TEX11: variants seen among roughly 807,000 people sequenced by gnomAD.
TEX11 encodes the protein testis-expressed protein 11.
Under a neutral mutation model 84.4 loss-of-function variants are expected in TEX11, and 7 were observed. That is an observed-to-expected ratio of 0.08 (90% CI 0.05 to 0.16). The LOEUF is 0.16. TEX11 is among the 10% of genes least tolerant of loss of function. TEX11 has a pLI of 1.00. For missense variants in TEX11, 551 were observed against 660.5 expected (o/e 0.83, Z 1.82); for synonymous variants, 264 against 222.8 (o/e 1.18, Z -1.64).
At chrX:70,809,279 A>C (rs1360339261) in intron 8 of TEX11, among the ~76,000 whole-genome samples, 1 of 112,179 alleles carries the variant, frequency 8.9e-6, no homozygotes, top group Admixed American at 9.5e-5. Context: ...AAACCAATAT[A>C]ATTAACTCCA....
chrX:70,774,568 A>G (rs2090990632), intron 9 of TEX11, among the ~76,000 whole-genome samples: 1 of 111,787 alleles, frequency 8.9e-6, no homozygotes, highest in African/African-American at 3.2e-5. Context: ...TCTATACAAC[A>G]TTAATGAACT....
At chrX:70,718,853 C>A (rs1249172772) in intron 13 of TEX11, among the ~76,000 whole-genome samples, 1 of 111,778 alleles carries the variant, frequency 8.9e-6, no homozygotes, top group Non-Finnish European at 1.9e-5. Context: ...TTTGGAGGGA[C>A]CATCCCAGCT....
chrX:70,626,874 TCCTC>T (rs2089456459), intron 18 of TEX11, among the ~76,000 whole-genome samples: 1 of 111,579 alleles, frequency 9.0e-6, no homozygotes, highest in Non-Finnish European at 1.9e-5. Flanking sequence ...CCCTAATACC[TCCTC>T]TCCTGAGCTC....
intron 20 of TEX11, among the ~76,000 whole-genome samples, chrX:70,620,773 C>T (rs1034474481): frequency 4.5e-5 from 5 of 111,928 alleles, no homozygotes; most frequent in Non-Finnish European, 9.4e-5. Context: ...TCAGTGCTAT[C>T]AAGACACAAA....
chrX:70,529,926 C>T lies in TEX11; in HGVS notation c.2594G>A (p.Arg865Lys). 8.3e-7 allele frequency: 1 copy of T among 1,211,555 alleles called. No individual in the cohort carries two copies. ...CTTTTCAGCAGATGCATACTTGCTC[C>T]TGCTAAACATAAGTACTCCGGTATT... ...SWNTGVLMFSRSKYASAEKWC... is the reference protein window; with the variant it reads ...SWNTGVLMFSKSKYASAEKWC... The change falls in exon 29 of 30, where the codon AGG (arginine) becomes AAG (lysine). Residue 865 changes from arginine to lysine, a missense_variant. Arg to Lys is a conservative substitution (Grantham distance 26, BLOSUM62 2). Coordinates refer to ENST00000374333, the MANE Select transcript of TEX11 (RefSeq NM_031276.3).
intron 27 of TEX11, 103 bp from the exon 28 acceptor site, chrX:70,552,349 A>G: frequency 1.0e-6 from 1 of 996,077 alleles, no homozygotes; most frequent in South Asian, 2.8e-5. Flanking sequence ...AACAGCTTCA[A>G]AACACTTCTG....
At chrX:70,756,882 G>C (rs1166537763) in intron 9 of TEX11, among the ~76,000 whole-genome samples, 1 of 112,039 alleles carries the variant, frequency 8.9e-6, no homozygotes, top group African/African-American at 3.2e-5. Context: ...AAAAAGGTTA[G>C]ACAACTGGCT....
intron 2 of TEX11, among the ~76,000 whole-genome samples, chrX:70,890,347 G>A (rs1449413710): frequency 9.0e-6 from 1 of 111,696 alleles, no homozygotes; most frequent in Non-Finnish European, 1.9e-5. Flanking sequence ...TGGTTGGACA[G>A]TGTGTGCAGC....
chrX:70,596,357 C>T (rs1210980360), intron 24 of TEX11, among the ~76,000 whole-genome samples: 1 of 111,582 alleles, frequency 9.0e-6, no homozygotes, highest in Non-Finnish European at 1.9e-5. Flanking sequence ...ATATGCATGG[C>T]ACTTTCTCTA....
intron 15 of TEX11, among the ~76,000 whole-genome samples, chrX:70,672,592 A>T (rs192010180): frequency 2.0e-4 from 22 of 111,404 alleles, no homozygotes; most frequent in African/African-American, 6.8e-4. Flanking sequence ...CATTTCCCTA[A>T]TGACTCATAA....
chrX:70,689,252 A>G (rs1213409700), intron 13 of TEX11, among the ~76,000 whole-genome samples: 1 of 111,068 alleles, frequency 9.0e-6, no homozygotes, highest in Non-Finnish European at 1.9e-5. Context: ...ATATAGATAC[A>G]GATGTTTACA....
chrX:70,604,338 G>A (rs1245185136), intron 24 of TEX11, among the ~76,000 whole-genome samples: 1 of 111,695 alleles, frequency 9.0e-6, no homozygotes, highest in African/African-American at 3.2e-5. Context: ...TGCCTGTTAA[G>A]TAGAATTTTT....
chrX:70,840,904 G>C (rs1408707130), intron 7 of TEX11, among the ~76,000 whole-genome samples: 1 of 110,997 alleles, frequency 9.0e-6, no homozygotes, highest in Non-Finnish European at 1.9e-5. Context: ...TAATGGTAAA[G>C]GGATCAATTC....
At chrX:70,623,850 C>G in intron 20 of TEX11, 100 bp downstream of exon 20, 4 of 721,887 alleles carry the variant, frequency 5.5e-6, no homozygotes, top group Non-Finnish European at 8.0e-6. Context: ...CTGTATTGAT[C>G]TTACCCACTA....
intron 7 of TEX11, among the ~76,000 whole-genome samples, chrX:70,840,791 C>G (rs2091438154): frequency 9.0e-6 from 1 of 111,444 alleles, no homozygotes; most frequent in African/African-American, 3.3e-5. Context: ...GAAGATCTAC[C>G]AAGCAAATGG....
intron 28 of TEX11, among the ~76,000 whole-genome samples, chrX:70,548,294 G>C (rs1334866140): frequency 9.1e-6 from 1 of 109,350 alleles, no homozygotes; most frequent in Non-Finnish European, 1.9e-5. Flanking sequence ...GGGAGGGATA[G>C]CATTAGGAGA....
intron 28 of TEX11, among the ~76,000 whole-genome samples, chrX:70,540,406 G>T (rs189975784): frequency 2.0e-3 from 225 of 111,555 alleles, no homozygotes; most frequent in African/African-American, 7.0e-3. Context: ...ATCTTGCAAA[G>T]CTAAAGATCT....
chrX:70,626,055 C>T (rs1043294678), intron 18 of TEX11, among the ~76,000 whole-genome samples: 4 of 111,238 alleles, frequency 3.6e-5, no homozygotes, highest in Admixed American at 2.9e-4. Flanking sequence ...GCATATTTTC[C>T]GCATTTTCAA....
intron 7 of TEX11, among the ~76,000 whole-genome samples, chrX:70,846,993 A>G (rs2091482930): frequency 8.9e-6 from 1 of 111,784 alleles, no homozygotes; most frequent in Non-Finnish European, 1.9e-5. Flanking sequence ...GGAGGTGTTT[A>G]GGACATGGAG....
Sources: gnomAD v4.1 joint callset for allele counts (sites outside exome capture counted in the v4.1 genomes callset) on GRCh38, gnomAD v4.1.1 for gene constraint, MANE v1.5 for transcripts, NCBI Gene and HGNC (gene_info 2026-07-23, HGNC 2026-07-21) for gene names.